Variants in NPAS3 observed in about 807,000 individuals in gnomAD.
NPAS3 encodes neuronal PAS domain protein 3, also known as neuronal PAS domain-containing protein 3.
A neutral mutation model predicts 73.1 loss-of-function variants in NPAS3; 14 were observed. That is an observed-to-expected ratio of 0.19 (90% CI 0.13 to 0.30). NPAS3 has a LOEUF of 0.30. NPAS3 is among the 10% of genes least tolerant of loss of function. NPAS3 has a pLI of 1.00. For synonymous variants in NPAS3, 620 were observed against 541.5 expected, an observed-to-expected ratio of 1.14 and a Z score of -2.01; for missense variants, 1,096 against 1,250.0, an observed-to-expected ratio of 0.88 and a Z score of 1.86.
At chr14:33,039,574 T>C (rs2040282819) in intron 1 of NPAS3, among the ~76,000 whole-genome samples, 1 of 152,222 alleles carries the variant, frequency 6.6e-6, no homozygotes. Flanking sequence ...CCTCCTGACC[T>C]GTTTCGTGAC....
intron 4 of NPAS3, among the ~76,000 whole-genome samples, chr14:33,477,008 C>A (rs1422128927): frequency 7.0e-6 from 1 of 143,132 alleles, no homozygotes. Flanking sequence ...ATTCATCTTA[C>A]AATATTAATA....
intron 2 of NPAS3, among the ~76,000 whole-genome samples, chr14:33,171,763 T>C (rs1420703701): frequency 2.0e-5 from 3 of 152,246 alleles, no homozygotes; most frequent in Non-Finnish European, 4.4e-5. Flanking sequence ...GCACTCACAA[T>C]GTGGCTAACT....
intron 2 of NPAS3, among the ~76,000 whole-genome samples, chr14:33,184,775 G>C (rs531940917): frequency 2.0e-5 from 3 of 152,150 alleles, no homozygotes; most frequent in Non-Finnish European, 4.4e-5. Context: ...TTCTGATGTG[G>C]ACAGTGGGTG....
rs997786119 is a variant in NPAS3, at chr14:33,421,574, G to A, written c.468+54306G>A. 9.2e-4 allele frequency among the ~76,000 whole-genome samples: 140 copies of A among 151,752 alleles called. 1 individual carries two copies. The highest frequency in any genetic ancestry group is 3.3e-3 in the African/African-American group (135 of 41,420). On this transcript the variant is annotated intron_variant, in intron 4 of 11. Coordinates refer to ENST00000356141, the Ensembl canonical transcript of NPAS3. ...TTTTTTTTTGTATGTCAGGTTGAGAGTGATATCATGTGAAATTCAGAAATT... is the reference window on the plus strand; with the variant it reads ...TTTTTTTTTGTATGTCAGGTTGAGAATGATATCATGTGAAATTCAGAAATT...
At chr14:33,070,433 G>A (rs2041445491) in intron 2 of NPAS3, among the ~76,000 whole-genome samples, 1 of 152,070 alleles carries the variant, frequency 6.6e-6, no homozygotes, top group African/African-American at 2.4e-5. Flanking sequence ...GCTTAATTCT[G>A]CTTTCATTGT....
chr14:33,676,401 C>T lies in NPAS3; in HGVS notation c.733+16C>T. 6.5e-7 allele frequency: 1 copy of T among 1,544,972 alleles called. No individual in the cohort carries two copies. Among genetic ancestry groups the T allele is most frequent in the Non-Finnish European group, 8.7e-7 (1 of 1,152,202 alleles). ...CCCGAGCCAGGTGGGAATTGCAAAC[C>T]CAGTGTGTGGGTTGGTGGGCAGGAC... On this transcript the variant is annotated intron_variant, in intron 6 of 11. Coordinates refer to ENST00000356141, the Ensembl canonical transcript of NPAS3.
At chr14:33,472,487 A>C (rs2050828845) in intron 4 of NPAS3, among the ~76,000 whole-genome samples, 2 of 152,206 alleles carry the variant, frequency 1.3e-5, no homozygotes, top group Admixed American at 1.3e-4. Context: ...TGTTTTTAAA[A>C]AACAAACAAA....
intron 5 of NPAS3, among the ~76,000 whole-genome samples, chr14:33,563,776 G>C (rs941837470): frequency 1.3e-5 from 2 of 152,088 alleles, no homozygotes; most frequent in African/African-American, 4.8e-5. Context: ...ATTCAGAGCT[G>C]TTCATGACAG....
At chr14:33,251,189 TA>T (rs1173471697) in intron 3 of NPAS3, among the ~76,000 whole-genome samples, 1 of 152,158 alleles carries the variant, frequency 6.6e-6, no homozygotes, top group African/African-American at 2.4e-5. Flanking sequence ...CAATCTCGCT[TA>T]TCAGTACTAC....
chr14:33,784,748 T>TATTTGTTTA (rs58424536), intron 9 of NPAS3, among the ~76,000 whole-genome samples: 1 of 107,272 alleles, frequency 9.3e-6, no homozygotes, highest in Admixed American at 9.5e-5. Context: ...TTTATTTATT[T>TATTTGTTTA]TTTTTTTTTT....
chr14:33,769,900 G>T (rs1280495464), intron 7 of NPAS3, among the ~76,000 whole-genome samples: 3 of 151,060 alleles, frequency 2.0e-5, no homozygotes, highest in East Asian at 3.9e-4. Flanking sequence ...AGTAGCTGGG[G>T]CCAAAGACAT....
chr14:33,544,806 A>AT (rs1479406872), intron 4 of NPAS3, among the ~76,000 whole-genome samples: 3 of 80,702 alleles, frequency 3.7e-5, no homozygotes, highest in African/African-American at 8.1e-5. Flanking sequence ...ATATATATAT[A>AT]TATATGTATA....
At chr14:33,152,780 G>A (rs1282729177) in intron 2 of NPAS3, among the ~76,000 whole-genome samples, 1 of 151,574 alleles carries the variant, frequency 6.6e-6, no homozygotes, top group Non-Finnish European at 1.5e-5. Context: ...ACTGATGCAT[G>A]TAATGTGGTG....
chr14:33,801,619 A>G (rs1355009643), downstream of NPAS3: 1 of 152,784 alleles, frequency 6.5e-6, no homozygotes, highest in Non-Finnish European at 1.5e-5. Flanking sequence ...GTATTTTAGA[A>G]TTTTATGCAG....
intron 1 of NPAS3, among the ~76,000 whole-genome samples, chr14:33,007,015 A>G (rs1011734685): frequency 1.6e-4 from 24 of 151,200 alleles, no homozygotes. Context: ...AGCTTGAATT[A>G]TGACTTTTTT....
At chr14:33,505,447 G>A (rs2052712104) in intron 4 of NPAS3, among the ~76,000 whole-genome samples, 1 of 151,940 alleles carries the variant, frequency 6.6e-6, no homozygotes, top group Admixed American at 6.6e-5. Context: ...CCCACTTGCT[G>A]GAAATTCACA....
At chr14:33,456,087 G>A (rs533435069) in intron 4 of NPAS3, among the ~76,000 whole-genome samples, 1 of 152,168 alleles carries the variant, frequency 6.6e-6, no homozygotes, top group Non-Finnish European at 1.5e-5. Flanking sequence ...CTCATTCAGA[G>A]AGCTTTGGAT....
intron 4 of NPAS3, among the ~76,000 whole-genome samples, chr14:33,389,499 C>G (rs1314484449): frequency 6.6e-6 from 1 of 152,140 alleles, no homozygotes; most frequent in Non-Finnish European, 1.5e-5. Context: ...GAACTAGACA[C>G]TTAGGTTTTA....
chr14:33,671,052 GAAATATCTTGA>G (rs2059596921), intron 5 of NPAS3, among the ~76,000 whole-genome samples: 1 of 152,060 alleles, frequency 6.6e-6, no homozygotes, highest in Non-Finnish European at 1.5e-5. Context: ...CTAAAAGAAA[GAAATATCTTGA>G]AAATAGATGT....
Sources: gnomAD v4.1 joint callset for allele counts (sites outside exome capture counted in the v4.1 genomes callset) on GRCh38, gnomAD v4.1.1 for gene constraint, MANE v1.5 for transcripts, NCBI Gene and HGNC (gene_info 2026-07-23, HGNC 2026-07-21) for gene names.